The following GABBR2 variants were observed in gnomAD, a reference collection of about 807,000 sequenced individuals.
GABBR2 encodes G-protein coupled receptor 51.
Under a neutral mutation model 105.6 loss-of-function variants are expected in GABBR2, and 23 were observed. The ratio of observed to expected loss-of-function variants is 0.22; its 90% CI spans 0.16 to 0.31. The LOEUF (loss-of-function observed/expected upper bound fraction) is 0.31, where lower values mean the gene tolerates loss of function less well. Among genes scored for constraint, GABBR2 ranks in the 10% least tolerant of loss-of-function variants. GABBR2 has a pLI of 1.00. For missense variants in GABBR2, 734 were observed against 1,245.5 expected, an observed-to-expected ratio of 0.59 and a Z score of 6.18; for synonymous variants, 478 against 499.7, an observed-to-expected ratio of 0.96 and a Z score of 0.58.
In GABBR2 at chr9:98,368,129, C is replaced by T. The variant is rs140823287; in HGVS notation, c.1770+3335G>A. On this transcript the variant is annotated intron_variant, in intron 12 of 18. Transcript: ENST00000259455. ...CCGCTGGTCCTGAGGCCCTCCTCAC[C>T]GTCACAATCATCTTCCTCTAGATGC... Among the ~76,000 whole-genome samples, 212 of 152,058 alleles carry T rather than the reference C, an allele frequency of 1.4e-3. 1 individual carries two copies. The highest frequency in any genetic ancestry group is 4.5e-3 in the African/African-American group (186 of 41,488).
At chr9:98,387,043 G>C (rs529700358) in intron 10 of GABBR2, among the ~76,000 whole-genome samples, 1 of 152,230 alleles carries the variant, frequency 6.6e-6, no homozygotes, top group African/African-American at 2.4e-5. Context: ...GAACTACTTA[G>C]GTGCCTCAAT....
chr9:98,453,345 TTTC>T, intron 7 of GABBR2, among the ~76,000 whole-genome samples: 1 of 152,320 alleles, frequency 6.6e-6, no homozygotes, highest in Middle Eastern at 3.4e-3. Flanking sequence ...TTTCTTTCTT[TTTC>T]TTTTCTTTTT....
chr9:98,402,610 G>A (rs1832413700), intron 8 of GABBR2, among the ~76,000 whole-genome samples: 1 of 152,148 alleles, frequency 6.6e-6, no homozygotes, highest in Admixed American at 6.5e-5. Flanking sequence ...AGGCAGGGAA[G>A]GGAGCCAGGA....
At chr9:98,683,035 C>A (rs1372178961) in intron 1 of GABBR2, among the ~76,000 whole-genome samples, 1 of 152,148 alleles carries the variant, frequency 6.6e-6, no homozygotes, top group Non-Finnish European at 1.5e-5. Flanking sequence ...GGGGCTTCAT[C>A]CCCTCTATGC....
chr9:98,481,091 G>A (rs1826913649), intron 4 of GABBR2, 94 bp from the exon 5 acceptor site: 1 of 816,208 alleles, frequency 1.2e-6, no homozygotes. Context: ...TTCACCTCTG[G>A]CTCTTAGCCC....
In GABBR2 at chr9:98,480,941, C is replaced by T. The variant is rs1315069814; in HGVS notation, c.789G>A (p.Val263=). 2 of 1,593,308 alleles carry T rather than the reference C, an allele frequency of 1.3e-6. No homozygotes were observed. The highest frequency in any genetic ancestry group is 1.7e-5 in the Admixed American group (1 of 60,008). The change falls in exon 5 of 19, where the codon GTG becomes GTA. Residue 263 remains valine (V), a synonymous_variant. Transcript: ENST00000259455. ...GQFDQNMAAK[V]FCCAYEENMY... is the part of the protein sequence containing the mutation. ...CAACTGTTTTACTTACACAACAGAA[C>T]ACTTTTGCTGCCATATTCTGGTCAA...
At chr9:98,550,657 G>A (rs960388728) in intron 2 of GABBR2, among the ~76,000 whole-genome samples, 29 of 152,212 alleles carry the variant, frequency 1.9e-4, no homozygotes, top group African/African-American at 5.1e-4. Flanking sequence ...GGACCTCAAC[G>A]CTGTCTTTTC....
chr9:98,662,160 C>A (rs1588273532), intron 1 of GABBR2, among the ~76,000 whole-genome samples: 1 of 152,156 alleles, frequency 6.6e-6, no homozygotes, highest in African/African-American at 2.4e-5. Flanking sequence ...CTTCAGAAAT[C>A]GTTTTCAGAG....
chr9:98,437,005 C>T (rs939813208), intron 7 of GABBR2, among the ~76,000 whole-genome samples: 21 of 152,034 alleles, frequency 1.4e-4, no homozygotes, highest in Non-Finnish European at 5.9e-5. Flanking sequence ...GGGTAGAGGA[C>T]AGATTTTAAT....
At chr9:98,316,139 C>T (rs1435797809) in intron 13 of GABBR2, among the ~76,000 whole-genome samples, 1 of 149,192 alleles carries the variant, frequency 6.7e-6, no homozygotes, top group Non-Finnish European at 1.5e-5. Context: ...AGCTGGCCTG[C>T]AAAATTTTCA....
chr9:98,406,027 C>T (rs1832483292), intron 8 of GABBR2, 54 bp downstream of exon 8: 2 of 985,114 alleles, frequency 2.0e-6, no homozygotes, highest in Non-Finnish European at 3.3e-6. Context: ...CATAAAACAA[C>T]ATTCCTGAAT....
intron 13 of GABBR2, among the ~76,000 whole-genome samples, chr9:98,337,756 T>C: frequency 6.6e-6 from 1 of 152,098 alleles, no homozygotes; most frequent in East Asian, 1.9e-4. Context: ...CAACAAGTGG[T>C]GTCCAGGGGC....
intron 1 of GABBR2, among the ~76,000 whole-genome samples, chr9:98,660,479 T>C (rs1049925542): frequency 6.6e-6 from 1 of 152,240 alleles, no homozygotes; most frequent in African/African-American, 2.4e-5. Flanking sequence ...GTGACTAAGT[T>C]CCACATTTTT....
intron 3 of GABBR2, among the ~76,000 whole-genome samples, chr9:98,525,965 A>G (rs919748262): frequency 1.6e-4 from 24 of 152,230 alleles, no homozygotes; most frequent in Non-Finnish European, 2.4e-4. Context: ...AGGCAAATCT[A>G]TAGAGACAGA....
chr9:98,605,853 C>A (rs1011041446), intron 1 of GABBR2, among the ~76,000 whole-genome samples: 5 of 152,020 alleles, frequency 3.3e-5, no homozygotes, highest in Non-Finnish European at 7.4e-5. Context: ...TATACATGTG[C>A]CATGTTGGTG....
intron 14 of GABBR2, 34 bp downstream of exon 14, chr9:98,311,060 TC>T (rs1830627941): frequency 1.7e-6 from 2 of 1,145,122 alleles, no homozygotes; most frequent in Non-Finnish European, 2.6e-6. Flanking sequence ...CAAAGAAGTG[TC>T]CCCCCTCAAC....
chr9:98,325,799 T>TA (rs1242382367), intron 13 of GABBR2, among the ~76,000 whole-genome samples: 1 of 152,162 alleles, frequency 6.6e-6, no homozygotes, highest in African/African-American at 2.4e-5. Context: ...ATGTCCACAT[T>TA]TATGGAATTT....
intron 1 of GABBR2, among the ~76,000 whole-genome samples, chr9:98,631,631 A>G (rs1404236876): frequency 6.6e-6 from 1 of 152,244 alleles, no homozygotes; most frequent in Non-Finnish European, 1.5e-5. Context: ...ACTCTCAATT[A>G]GTTAGAATGT....
chr9:98,635,043 G>A (rs1451085130), intron 1 of GABBR2, among the ~76,000 whole-genome samples: 2 of 152,164 alleles, frequency 1.3e-5, no homozygotes, highest in East Asian at 3.9e-4. Context: ...CCCATCTCCT[G>A]CTAAATCTTC....
Sources: allele counts gnomAD v4.1 joint callset (sites outside exome capture counted in the v4.1 genomes callset), GRCh38; gene constraint gnomAD v4.1.1; transcripts MANE v1.5; gene names NCBI Gene and HGNC (gene_info 2026-07-23, HGNC 2026-07-21).